LIFR: variants seen among roughly 807,000 people sequenced by gnomAD.
LIFR encodes the protein leukemia inhibitory factor receptor.
Under a neutral mutation model 122.2 loss-of-function variants are expected in LIFR, and 84 were observed. That is an observed-to-expected ratio of 0.69 (90% confidence interval 0.58 to 0.82). LIFR has a LOEUF of 0.82. Among genes scored for constraint, LIFR ranks in the 40% least tolerant of loss-of-function variants. The probability of loss-of-function intolerance (pLI) is 0.00; values close to 1 mark genes in which losing one functional copy is unlikely to be tolerated. For missense variants in LIFR, 1,294 were observed against 1,311.6 expected (o/e 0.99, Z 0.21); for synonymous variants, 422 against 434.7 (o/e 0.97, Z 0.36).
chr5:38,528,444 T>A (rs797006822), intron 3 of LIFR, among the ~76,000 whole-genome samples: 2 of 152,158 alleles, frequency 1.3e-5, no homozygotes, highest in African/African-American at 2.4e-5. Flanking sequence ...GGTATGGCCA[T>A]GTGGCTTTAT....
intron 1 of LIFR, among the ~76,000 whole-genome samples, chr5:38,548,214 A>G (rs977041990): frequency 1.2e-4 from 18 of 152,286 alleles, no homozygotes; most frequent in African/African-American, 3.6e-4. Context: ...TCCTTCACAG[A>G]AGATATATAG....
chr5:38,506,770 C>T (rs1745510036), intron 7 of LIFR, 138 bp from the exon 8 acceptor site: 3 of 724,974 alleles, frequency 4.1e-6, no homozygotes, highest in Non-Finnish European at 6.9e-6. Flanking sequence ...TTGAATAATG[C>T]AGGAATTATT....
At chr5:38,566,116 C>T (rs1279874969) in intron 1 of LIFR, among the ~76,000 whole-genome samples, 1 of 152,136 alleles carries the variant, frequency 6.6e-6, no homozygotes, top group Admixed American at 6.5e-5. Context: ...TTATTGCTTT[C>T]TGTCTTTCAT....
rs910756619 is a variant in LIFR, at chr5:38,480,286, C to T, written c.*1309G>A. The T allele has an allele frequency of 4.4e-6, 1 of 227,370 alleles. No homozygotes were observed. The highest frequency in any genetic ancestry group is 8.7e-6 in the Non-Finnish European group (1 of 114,442). The allele number at this position is 227,370 out of a possible 1,614,324, so 14.1% of individuals were successfully genotyped here. ...TTTTTCCTTCTGCTTTTCCAAGAAC[C>T]ACAATCACTCCAGACATCGCTTATG... On this transcript the variant is annotated 3_prime_UTR_variant, in exon 20 of 20. Coordinates refer to ENST00000453190, the MANE Select transcript of LIFR (RefSeq NM_001127671.2).
chr5:38,538,601 T>C lies in LIFR; in HGVS notation c.-19-7935A>G, dbSNP rs75000608. Among the ~76,000 whole-genome samples the C allele has an allele frequency of 1.1e-4, 16 of 152,282 alleles. 1 individual carries two copies. In the East Asian group the frequency reaches 2.9e-3, roughly 28 times the overall value. ...TCTGAGTAACCCTGACTCTTCCTTCTTCCTCACACCTCCCACCTGACTTGC... is the reference window on the plus strand; with the variant it reads ...TCTGAGTAACCCTGACTCTTCCTTCCTCCTCACACCTCCCACCTGACTTGC... On this transcript the variant is annotated intron_variant, in intron 1 of 19. Transcript: ENST00000453190.
chr5:38,547,176 T>C (rs1437387563), intron 1 of LIFR, among the ~76,000 whole-genome samples: 2 of 152,200 alleles, frequency 1.3e-5, no homozygotes, highest in Non-Finnish European at 2.9e-5. Context: ...TATCTATATG[T>C]ACAATTTGTC....
rs139284619 is a variant in LIFR, at chr5:38,548,026, C to T, written c.-20+8308G>A. Among the ~76,000 whole-genome samples, 1,088 of 152,094 alleles carry T rather than the reference C, an allele frequency of 7.2e-3. 18 individuals are homozygous for T. The highest frequency in any genetic ancestry group is 0.034 in the Admixed American group (515 of 15,254). ...GACCTAAACATCTTTCTATGGTACA[C>T]GACTATAAATGCTTTATTGCCACTC... On this transcript the variant is annotated intron_variant, in intron 1 of 19. Coordinates refer to ENST00000453190, the MANE Select transcript of LIFR (RefSeq NM_001127671.2).
At chr5:38,592,939 T>G (rs1008048492) in intron 1 of LIFR, among the ~76,000 whole-genome samples, 10 of 151,990 alleles carry the variant, frequency 6.6e-5, no homozygotes, top group Non-Finnish European at 1.3e-4. Context: ...GCGTGGTGGC[T>G]CACGCCTGTA....
Position 38,506,049 on chromosome 5 carries a change from T to C in LIFR, c.1147A>G (p.Lys383Glu), listed in dbSNP as rs755667590. ...ESFSGKYVRL[K>E]RAEAPTNESY... ...TCGTTTGTAGGTGCTTCAGCTCTTT[T>C]AAGTCTAACATATTTTCCTGAAAAA... Residue 383 changes from lysine (K) to glutamate (E), a missense_variant, in exon 9 of 20, where the codon AAA (lysine) becomes GAA (glutamate). Lys to Glu is a moderately conservative substitution (Grantham distance 56, BLOSUM62 1). Transcript: ENST00000453190. The C allele has an allele frequency of 1.9e-6, 3 of 1,600,496 alleles. No homozygotes were observed. The highest frequency in any genetic ancestry group is 2.6e-6 in the Non-Finnish European group (3 of 1,171,178).
In LIFR at chr5:38,502,715, GA is replaced by G; in HGVS notation, c.1521del (p.Arg508GlyfsTer22). The G allele has an allele frequency of 6.2e-7, 1 of 1,611,436 alleles. No individual in the cohort carries two copies. The highest frequency in any genetic ancestry group is 8.5e-7 in the Non-Finnish European group (1 of 1,177,690). ...DKLNPYTLYT[F>X]RIRCSTETFW... ...AAAGTTTCAGTAGAACAACGAATCC[GA>G]AAAGTATATAGAGTGTATGGATTTA... is the stretch of plus-strand genomic sequence containing the variant. On this transcript the variant is annotated frameshift_variant, in exon 11 of 20. Coordinates refer to ENST00000453190, the MANE Select transcript of LIFR (RefSeq NM_001127671.2). LOFTEE classifies it high-confidence loss of function.
At chr5:38,516,466 T>C (rs1329363716) in intron 5 of LIFR, among the ~76,000 whole-genome samples, 1 of 152,194 alleles carries the variant, frequency 6.6e-6, no homozygotes, top group African/African-American at 2.4e-5. Flanking sequence ...AAGGTCATCA[T>C]CACTGGTCAT....
chr5:38,602,143 C>T (rs1364789823), intron 2 of LIFR, among the ~76,000 whole-genome samples: 1 of 152,188 alleles, frequency 6.6e-6, no homozygotes, highest in East Asian at 1.9e-4. Context: ...AGTTTCACAA[C>T]CTCCCAATCA....
chr5:38,528,664 A>C (rs1746820218), intron 3 of LIFR, 62 bp downstream of exon 3: 1 of 957,000 alleles, frequency 1.0e-6, no homozygotes, highest in African/African-American at 1.6e-5. Context: ...ATAAGGTAAG[A>C]ACTGAGGGTC....
chr5:38,602,092 C>T (rs922045852), intron 2 of LIFR, among the ~76,000 whole-genome samples: 1 of 152,188 alleles, frequency 6.6e-6, no homozygotes, highest in African/African-American at 2.4e-5. Flanking sequence ...TCATTTTTCA[C>T]CTGGATATTC....
intron 5 of LIFR, among the ~76,000 whole-genome samples, chr5:38,518,448 G>C (rs762789755): frequency 6.6e-6 from 1 of 152,028 alleles, no homozygotes; most frequent in East Asian, 1.9e-4. Context: ...AGTCAATGTG[G>C]GACCACATAT....
Position 38,496,471 on chromosome 5 carries a change from T to C in LIFR, c.1796A>G (p.Asp599Gly), listed in dbSNP as rs768568090. The change falls in exon 13 of 20, where the codon GAT (aspartate) becomes GGT (glycine). Residue 599 changes from aspartate (D) to glycine (G), a missense_variant. Physicochemically the swap from Asp to Gly is moderately conservative, Grantham distance 94. Transcript: ENST00000453190. Reference sequence around the variant, plus strand: ...TACGCTGATGATGTAGTCATTCTTATCAAGTCGTATCTCTGCTTTGTGCTG... The same window carrying C: ...TACGCTGATGATGTAGTCATTCTTACCAAGTCGTATCTCTGCTTTGTGCTG... Reference protein sequence around the residue: ...DPQHKAEIRLDKNDYIISVVA... With the variant: ...DPQHKAEIRLGKNDYIISVVA... 25 of 1,614,046 alleles carry C rather than the reference T, an allele frequency of 1.5e-5. No individual in the cohort carries two copies. The highest frequency in any genetic ancestry group is 2.0e-5 in the Non-Finnish European group (24 of 1,179,966).
At chr5:38,496,695 G>A (rs561587642) in intron 12 of LIFR, 100 bp from the exon 13 acceptor site, 2 of 867,904 alleles carry the variant, frequency 2.3e-6, no homozygotes, top group South Asian at 1.4e-5. Flanking sequence ...ACAATAACAA[G>A]GTTGGCCAGG....
rs552027365 is a variant in LIFR, at chr5:38,512,086, A to C, written c.562-122T>G. ...CAGCTAAGTTTATGTTTTGTCCTTT[A>C]ATACAACTCAGTTTTGTGTAAGGTA... On this transcript the variant is annotated intron_variant, in intron 5 of 19. Transcript: ENST00000453190. 7.4e-6 allele frequency: 7 copies of C among 947,618 alleles called. No individual in the cohort carries two copies. The South Asian group carries it at 9.8e-5, about 13-fold the overall frequency. 58.7% of individuals were successfully genotyped at this position (947,618 alleles called of 1,614,324 possible).
At chr5:38,598,332 C>T (rs1750159815), upstream of LIFR, among the ~76,000 whole-genome samples, 1 of 146,330 alleles carries the variant, frequency 6.8e-6, no homozygotes, top group South Asian at 2.2e-4. Flanking sequence ...CTGCAACCTC[C>T]CCCTCCCGAG....
Sources: allele counts gnomAD v4.1 joint callset (sites outside exome capture counted in the v4.1 genomes callset), GRCh38; gene constraint gnomAD v4.1.1; transcripts MANE v1.5; gene names NCBI Gene and HGNC (gene_info 2026-07-23, HGNC 2026-07-21).